Variants in NCKAP5L observed in about 807,000 individuals in gnomAD.
The protein encoded by NCKAP5L is nck-associated protein 5-like.
A neutral mutation model predicts 103.2 loss-of-function variants in NCKAP5L; 54 were observed. That is an observed-to-expected ratio of 0.52 (90% CI 0.42 to 0.66). The LOEUF is 0.66. Ranked by LOEUF, NCKAP5L falls within the 30% of genes least tolerant of loss-of-function variation. The pLI, the probability that NCKAP5L is intolerant of heterozygous loss-of-function variation, is 0.00. For synonymous variants in NCKAP5L, 762 were observed against 748.6 expected, an observed-to-expected ratio of 1.02 and a Z score of -0.29; for missense variants, 1,733 against 1,750.6, an observed-to-expected ratio of 0.99 and a Z score of 0.18.
At chr12:49,811,394 G>A (rs979132658) in intron 1 of NCKAP5L, among the ~76,000 whole-genome samples, 2 of 152,028 alleles carry the variant, frequency 1.3e-5, no homozygotes, top group African/African-American at 4.8e-5. Context: ...GAGGATTAAA[G>A]CCAGCAGAGG....
rs968767051 is a variant in NCKAP5L, at chr12:49,794,839, C to G, written c.3021G>C (p.Gly1007=). ...CCAGCTGGCCCTGCACCTGCCCCAG[C>G]CCCGTGTTGGGCCCTGGGGCTGGGC... ...PGGPAPGPNT[G]LGQVQGQLAG... is the part of the protein sequence containing the mutation. Residue 1007 remains glycine (G), a synonymous_variant, in exon 8 of 13, where the codon GGG becomes GGC. Transcript: ENST00000335999. The G allele has an allele frequency of 2.0e-6, 3 of 1,531,130 alleles. No individual in the cohort carries two copies. Among genetic ancestry groups the G allele is most frequent in the African/African-American group, 1.4e-5 (1 of 72,042 alleles). The allele number at this position is 1,531,130 out of a possible 1,614,324, so 94.8% of individuals were successfully genotyped here.
intron 1 of NCKAP5L, among the ~76,000 whole-genome samples, chr12:49,812,209 G>T (rs1218323743): frequency 1.3e-5 from 2 of 152,054 alleles, no homozygotes. Flanking sequence ...CCCAGTCACA[G>T]GCAACCACTC....
chr12:49,828,094 G>A (rs1946442094), intron 1 of NCKAP5L, among the ~76,000 whole-genome samples: 1 of 151,624 alleles, frequency 6.6e-6, no homozygotes, highest in South Asian at 2.1e-4. Flanking sequence ...GCGGGAGGGG[G>A]TGGGGTGGGG....
chr12:49,823,380 G>A (rs138482368), intron 1 of NCKAP5L, among the ~76,000 whole-genome samples: 1,892 of 152,200 alleles, frequency 0.012, 13 homozygotes, highest in South Asian at 0.027. Flanking sequence ...CTGGGAGTGA[G>A]GTAAATCAGC....
At chr12:49,814,807 C>T (rs1946280262) in intron 1 of NCKAP5L, among the ~76,000 whole-genome samples, 1 of 152,150 alleles carries the variant, frequency 6.6e-6, no homozygotes, top group Non-Finnish European at 1.5e-5. Flanking sequence ...AGATCCAATC[C>T]AGGATTCCAC....
At position 49,801,916 on chromosome 12, in the gene NCKAP5L, G is replaced by A. The variant is rs367652218; in HGVS notation, c.283C>T (p.Arg95Trp). 26 of 1,613,860 alleles carry A rather than the reference G, an allele frequency of 1.6e-5. No homozygotes were observed. Among genetic ancestry groups the A allele is most frequent in the East Asian group, 6.7e-5 (3 of 44,894 alleles). The part of the protein sequence containing the change: ...KLKKRVFDLE[R>W]QNQMLSALFQ... ...AGGGCACTCAGCATCTGGTTCTGCC[G>A]TTCCAGGTCAAACACTCTCTTCTTC... is the stretch of plus-strand genomic sequence containing the variant. Residue 95 changes from arginine (R) to tryptophan (W), a missense_variant, in exon 6 of 13, where the codon CGG becomes TGG. By Grantham distance (101) the Arg-to-Trp change is moderately radical. Transcript: ENST00000335999.
Position 49,792,866 on chromosome 12 carries a change from G to A in NCKAP5L, c.3461C>T (p.Pro1154Leu), listed in dbSNP as rs1321530404. 10 of 1,546,542 alleles carry A rather than the reference G, an allele frequency of 6.5e-6. No homozygotes were observed. Among genetic ancestry groups the A allele is most frequent in the Non-Finnish European group, 6.9e-6 (8 of 1,151,752 alleles). The change falls in exon 11 of 13, where the codon CCC becomes CTC. Residue 1154 changes from proline to leucine, a missense_variant. Transcript: ENST00000335999. This position sits in a 1 kb window ranked among gnomAD's most constrained non-coding sequence, Gnocchi z 4.5. Reference protein sequence around the residue: ...LPKTKPPRLDPPPGVPPARPP... With the variant: ...LPKTKPPRLDLPPGVPPARPP... ...CCGAGCTGGGGGTACCCCAGGTGGG[G>A]GATCCAGCCGCGGTGGCTTGGTCTT...
chr12:49,808,270 C>T (rs1235430100), intron 1 of NCKAP5L, among the ~76,000 whole-genome samples: 4 of 152,204 alleles, frequency 2.6e-5, no homozygotes, highest in Non-Finnish European at 4.4e-5. Flanking sequence ...CACAGTTCTT[C>T]TTCTCAGAGT....
chr12:49,792,340 T>C lies in NCKAP5L; in HGVS notation c.3792+106A>G. 2 of 1,549,902 alleles carry C rather than the reference T, an allele frequency of 1.3e-6. No individual in the cohort carries two copies. Among genetic ancestry groups the C allele is most frequent in the Non-Finnish European group, 1.7e-6 (2 of 1,147,528 alleles). ...GTCCTCCTCCCAGAGGGTGCAGCAC[T>C]GAGACTGTGCGACACACAGGCCGTA... On this transcript the variant is annotated intron_variant, in intron 12 of 12. Transcript: ENST00000335999. The surrounding 1 kb of genome is among the most constrained non-coding windows in gnomAD (Gnocchi z 4.5).
Position 49,803,120 on chromosome 12 carries a change from T to A in NCKAP5L, c.169A>T (p.Thr57Ser), listed in dbSNP as rs762681317. The change falls in exon 4 of 13, where the codon ACT becomes TCT. Residue 57 changes from threonine to serine, a missense_variant. Physicochemically the swap from Thr to Ser is moderately conservative, Grantham distance 58 (BLOSUM62 1). Transcript: ENST00000335999. ...LAQANENQRE[T>S]YERCLDEVAN... is the part of the protein sequence containing the mutation. ...ACCTCGTCCAGACAGCGCTCATAAG[T>A]CTCCCGCTGGTTTTCGTTGGCCTGG... The A allele has an allele frequency of 6.2e-7, 1 of 1,614,176 alleles. No homozygotes were observed. Among genetic ancestry groups the A allele is most frequent in the Non-Finnish European group, 8.5e-7 (1 of 1,180,040 alleles).
Position 49,796,640 on chromosome 12 carries a change from C to T in NCKAP5L, c.1220G>A (p.Ser407Asn), listed in dbSNP as rs756598186. The part of the protein sequence containing the change: ...SEGQGPLPFL[S>N]MFMGAGDAPL... ...GGCATCCCCAGCACCCATGAACATGCTAAGGAAGGGGAGGGGCCCCTGGCC... is the reference window on the plus strand; with the variant it reads ...GGCATCCCCAGCACCCATGAACATGTTAAGGAAGGGGAGGGGCCCCTGGCC... Residue 407 changes from serine (S) to asparagine (N), a missense_variant, in exon 8 of 13, where the codon AGC becomes AAC. Ser to Asn is a conservative substitution (Grantham distance 46). Coordinates refer to ENST00000335999, the MANE Select transcript of NCKAP5L (RefSeq NM_001037806.4). 2.5e-6 allele frequency: 4 copies of T among 1,587,020 alleles called. No homozygotes were observed. The African/African-American group carries it at 5.4e-5, about 21-fold the overall frequency.
At chr12:49,813,779 C>T (rs143243940) in intron 1 of NCKAP5L, among the ~76,000 whole-genome samples, 3,177 of 152,206 alleles carry the variant, frequency 0.021, 92 homozygotes, top group East Asian at 0.14. Flanking sequence ...CTGCCCGCCT[C>T]GGCCTTCCAA....
At chr12:49,826,067 G>A (rs951124716) in intron 1 of NCKAP5L, among the ~76,000 whole-genome samples, 2 of 152,038 alleles carry the variant, frequency 1.3e-5, no homozygotes, top group South Asian at 4.1e-4. Flanking sequence ...AGGCTGGCTG[G>A]GCTGGATGAG....
chr12:49,810,975 T>C lies in NCKAP5L; in HGVS notation c.-98-4934A>G, dbSNP rs540916693. 9.0e-4 allele frequency among the ~76,000 whole-genome samples: 135 copies of C among 149,842 alleles called. 3 individuals carry two copies. The South Asian group carries it at 0.03, about 33-fold the overall frequency. ...GTAGAACTTTCTGTAATAATGAACA[T>C]GCTTAGTCTGTACTATCCAACATGG... On this transcript the variant is annotated intron_variant, in intron 1 of 12. Coordinates refer to ENST00000335999, the MANE Select transcript of NCKAP5L (RefSeq NM_001037806.4).
At position 49,798,453 on chromosome 12, in the gene NCKAP5L, G is replaced by A. The variant is rs1398782150; in HGVS notation, c.362C>T (p.Thr121Ile). ...TTGSLPQIPL[T>I]PLQPPSEPPA... Reference sequence around the variant, plus strand: ...TGGCTCTGATGGTGGCTGGAGTGGAGTGAGTGGGATCTGCAGAGGGAGAGG... The same window carrying A: ...TGGCTCTGATGGTGGCTGGAGTGGAATGAGTGGGATCTGCAGAGGGAGAGG... The change falls in exon 7 of 13, where the codon ACT (threonine) becomes ATT (isoleucine). Residue 121 changes from threonine to isoleucine, a missense_variant. Transcript: ENST00000335999. 3.8e-6 allele frequency: 6 copies of A among 1,576,732 alleles called. No homozygotes were observed. The highest frequency in any genetic ancestry group is 3.7e-5 in the Admixed American group (2 of 53,664).
rs186428470 is a variant in NCKAP5L at position 49,827,101 on chromosome 12, T to G, written c.-99+1221A>C. 2.3e-4 allele frequency among the ~76,000 whole-genome samples: 35 copies of G among 152,294 alleles called. No individual in the cohort carries two copies. The East Asian group carries it at 5.2e-3, about 23-fold the overall frequency. The stretch of plus-strand genomic sequence containing the variant: ...AGGAGTCTCAGAGAGCCAGATGGCG[T>G]AATGTCTGCAAGGGAGGGTCTGCAA... On this transcript the variant is annotated intron_variant, in intron 1 of 12. Coordinates refer to ENST00000335999, the MANE Select transcript of NCKAP5L (RefSeq NM_001037806.4).
chr12:49,793,633 G>T (rs781537503), intron 9 of NCKAP5L, 101 bp downstream of exon 9: 1 of 1,388,058 alleles, frequency 7.2e-7, no homozygotes, highest in Middle Eastern at 2.2e-4. Context: ...GAGTGCATCC[G>T]GCACTCATGG....
intron 1 of NCKAP5L, among the ~76,000 whole-genome samples, chr12:49,814,250 C>T (rs1032950568): frequency 6.0e-5 from 9 of 149,592 alleles, no homozygotes; most frequent in African/African-American, 2.0e-4. Context: ...TTTGGGAGGC[C>T]GAAGTGGGCG....
intron 2 of NCKAP5L, chr12:49,805,143 C>G (rs980101113): frequency 6.6e-6 from 1 of 152,508 alleles, no homozygotes; most frequent in Non-Finnish European, 1.5e-5. Flanking sequence ...CCTATTCATC[C>G]TTCAGGGCTC....
Sources: gnomAD v4.1 joint callset for allele counts (sites outside exome capture counted in the v4.1 genomes callset) on GRCh38, gnomAD v4.1.1 for gene constraint, Gnocchi (gnomAD v3.1) non-coding constraint, MANE v1.5 for transcripts, NCBI Gene and HGNC (gene_info 2026-07-23, HGNC 2026-07-21) for gene names.